Variants in CLSTN2 observed in about 807,000 individuals in gnomAD.
The protein encoded by CLSTN2 is calsyntenin-2.
CLSTN2 carries 48 observed loss-of-function variants against 101.2 expected under a neutral mutation model. That is an observed-to-expected ratio of 0.47 (90% CI 0.38 to 0.60). The LOEUF (loss-of-function observed/expected upper bound fraction) is 0.60, where lower values mean the gene tolerates loss of function less well. Ranked by LOEUF, CLSTN2 falls within the 20% of genes least tolerant of loss-of-function variation. The pLI, the probability that CLSTN2 is intolerant of heterozygous loss-of-function variation, is 0.00. For missense variants in CLSTN2, 1,160 were observed against 1,238.2 expected, an observed-to-expected ratio of 0.94 and a Z score of 0.95; for synonymous variants, 481 against 463.6, an observed-to-expected ratio of 1.04 and a Z score of -0.48.
chr3:140,450,786 A>G (rs1933228016), intron 6 of CLSTN2, among the ~76,000 whole-genome samples: 1 of 152,134 alleles, frequency 6.6e-6, no homozygotes, highest in Non-Finnish European at 1.5e-5. Flanking sequence ...TTCTAACCCA[A>G]GGAACCAAGT....
At chr3:140,173,973 A>T (rs1264990241) in intron 1 of CLSTN2, among the ~76,000 whole-genome samples, 1 of 152,224 alleles carries the variant, frequency 6.6e-6, no homozygotes, top group African/African-American at 2.4e-5. Flanking sequence ...TTGGGGATTA[A>T]CATTGGGCTT....
chr3:140,308,758 G>A (rs74689996), intron 2 of CLSTN2, among the ~76,000 whole-genome samples: 3,462 of 152,310 alleles, frequency 0.023, 133 homozygotes, highest in African/African-American at 0.078. Flanking sequence ...CAGAAGCACA[G>A]TCTTCACTCC....
At chr3:140,016,498 G>A (rs2007204260) in intron 1 of CLSTN2, among the ~76,000 whole-genome samples, 3 of 151,818 alleles carry the variant, frequency 2.0e-5, no homozygotes, top group Admixed American at 6.6e-5. Context: ...GAAGATTTGT[G>A]ACAATTTGAA....
intron 1 of CLSTN2, among the ~76,000 whole-genome samples, chr3:140,063,808 C>T (rs1025424533): frequency 6.6e-6 from 1 of 152,130 alleles, no homozygotes; most frequent in Admixed American, 6.5e-5. Flanking sequence ...CTTTCTGAGC[C>T]TCAGTTGATT....
intron 4 of CLSTN2, among the ~76,000 whole-genome samples, chr3:140,418,101 G>A (rs1400696012): frequency 1.3e-5 from 2 of 152,082 alleles, no homozygotes; most frequent in African/African-American, 4.8e-5. Flanking sequence ...AGTATCTTTT[G>A]AGGGCCATTT....
rs564444915 is a variant in CLSTN2 at position 140,127,499 on chromosome 3, C to T, written c.110-48452C>T. 1.1e-4 allele frequency among the ~76,000 whole-genome samples: 17 copies of T among 152,218 alleles called. 1 individual carries two copies. In the South Asian group the frequency reaches 3.1e-3, roughly 28 times the overall value. Reference sequence around the variant, plus strand: ...TCACAGTGAGAAAGATGTTGAAAACCAACTGACGACAGGGGCGGTGCACAA... The same window carrying T: ...TCACAGTGAGAAAGATGTTGAAAACTAACTGACGACAGGGGCGGTGCACAA... On this transcript the variant is annotated intron_variant, in intron 1 of 16. Coordinates refer to ENST00000458420, the MANE Select transcript of CLSTN2 (RefSeq NM_022131.3).
intron 1 of CLSTN2, among the ~76,000 whole-genome samples, chr3:140,075,438 TCTTAA>T (rs2008470527): frequency 6.6e-6 from 1 of 152,238 alleles, no homozygotes; most frequent in Admixed American, 6.5e-5. Flanking sequence ...GAGGTATGTT[TCTTAA>T]CTTCCAAGTA....
intron 1 of CLSTN2, among the ~76,000 whole-genome samples, chr3:140,139,756 A>T (rs192407468): frequency 6.6e-6 from 1 of 152,104 alleles, no homozygotes; most frequent in African/African-American, 2.4e-5. Context: ...AACAGCAACC[A>T]CTCACATTCT....
intron 2 of CLSTN2, among the ~76,000 whole-genome samples, chr3:140,244,237 C>T (rs1198226387): frequency 6.6e-6 from 1 of 152,124 alleles, no homozygotes. Flanking sequence ...ACTGATGTGG[C>T]AAGGAATGGA....
chr3:140,254,486 C>G (rs1028436490), intron 2 of CLSTN2, among the ~76,000 whole-genome samples: 1 of 152,092 alleles, frequency 6.6e-6, no homozygotes, highest in Non-Finnish European at 1.5e-5. Flanking sequence ...GCTGAAGAAA[C>G]TTAGAGATTT....
At chr3:140,553,903 C>T (rs192586941) in intron 10 of CLSTN2, among the ~76,000 whole-genome samples, 1 of 152,220 alleles carries the variant, frequency 6.6e-6, no homozygotes, top group East Asian at 1.9e-4. Flanking sequence ...CAGCGCTTCA[C>T]TAAAAAGACA....
intron 1 of CLSTN2, among the ~76,000 whole-genome samples, chr3:140,074,242 T>C (rs1434536173): frequency 3.3e-5 from 5 of 152,206 alleles, no homozygotes; most frequent in Admixed American, 6.5e-5. Flanking sequence ...AACTTTTGTC[T>C]TGATTCTTGA....
chr3:140,016,041 C>T (rs1311507315), intron 1 of CLSTN2, among the ~76,000 whole-genome samples: 2 of 152,226 alleles, frequency 1.3e-5, no homozygotes, highest in Non-Finnish European at 2.9e-5. Flanking sequence ...GATAAGCAGT[C>T]TGTAGTCACT....
chr3:140,306,479 C>T (rs573058264), intron 2 of CLSTN2, among the ~76,000 whole-genome samples: 1 of 152,164 alleles, frequency 6.6e-6, no homozygotes, highest in East Asian at 1.9e-4. Flanking sequence ...GTTATTAAAA[C>T]TCTGAGGCCC....
intron 1 of CLSTN2, among the ~76,000 whole-genome samples, chr3:139,946,724 C>G (rs372145441): frequency 6.6e-5 from 10 of 152,332 alleles, no homozygotes; most frequent in Non-Finnish European, 1.5e-4. Flanking sequence ...TGCCTAAAAG[C>G]CTGTTTCTCA....
intron 2 of CLSTN2, among the ~76,000 whole-genome samples, chr3:140,366,892 G>T (rs1053203528): frequency 1.3e-5 from 2 of 152,214 alleles, no homozygotes; most frequent in Non-Finnish European, 2.9e-5. Flanking sequence ...TGACAAGGCT[G>T]CTCTTATCAG....
At chr3:140,324,939 C>A (rs1048245343) in intron 2 of CLSTN2, among the ~76,000 whole-genome samples, 2 of 152,134 alleles carry the variant, frequency 1.3e-5, no homozygotes, top group African/African-American at 4.8e-5. Context: ...AAATGTAACA[C>A]AAAATTGTGG....
chr3:140,529,720 T>C (rs1452017852), intron 8 of CLSTN2, among the ~76,000 whole-genome samples: 1 of 152,188 alleles, frequency 6.6e-6, no homozygotes, highest in Non-Finnish European at 1.5e-5. Flanking sequence ...AGCTAAAAGA[T>C]TGTTTAGACG....
intron 1 of CLSTN2, among the ~76,000 whole-genome samples, chr3:140,043,587 T>G (rs1430065991): frequency 1.3e-5 from 2 of 152,160 alleles, no homozygotes; most frequent in African/African-American, 4.8e-5. Context: ...TTTTAGACAT[T>G]AAGATCTTGC....
Sources: allele counts gnomAD v4.1 joint callset (sites outside exome capture counted in the v4.1 genomes callset), GRCh38; gene constraint gnomAD v4.1.1; transcripts MANE v1.5; gene names NCBI Gene and HGNC (gene_info 2026-07-23, HGNC 2026-07-21).